KCNH8: variants seen among roughly 807,000 people sequenced by gnomAD.
KCNH8 encodes voltage-gated delayed rectifier potassium channel KCNH8.
In KCNH8, 70 loss-of-function variants were observed where a neutral mutation model predicts 103.6. That is an observed-to-expected ratio of 0.68 (90% CI 0.56 to 0.82). KCNH8 has a LOEUF of 0.82. Ranked by LOEUF, KCNH8 falls within the 40% of genes least tolerant of loss-of-function variation. The pLI is 0.00. For synonymous variants in KCNH8, 498 were observed against 489.4 expected (o/e 1.02, Z -0.23); for missense variants, 1,217 against 1,329.9 (o/e 0.92, Z 1.32).
At chr3:19,230,854 A>G (rs2063986370) in intron 1 of KCNH8, among the ~76,000 whole-genome samples, 1 of 152,202 alleles carries the variant, frequency 6.6e-6, no homozygotes, top group Non-Finnish European at 1.5e-5. Flanking sequence ...TCGGAACGCA[A>G]ATTTGCAATA....
intron 11 of KCNH8, 129 bp from the exon 12 acceptor site, chr3:19,510,234 A>G: frequency 3.0e-6 from 2 of 671,662 alleles, no homozygotes; most frequent in Non-Finnish European, 5.5e-6. Context: ...GTAGATCCAC[A>G]CCCCTTCCTG....
chr3:19,231,578 G>T (rs1252697327), intron 1 of KCNH8, among the ~76,000 whole-genome samples: 1 of 152,068 alleles, frequency 6.6e-6, no homozygotes, highest in Non-Finnish European at 1.5e-5. Context: ...GCTGGCTTAG[G>T]TATATAGTGT....
chr3:19,287,393 G>A (rs2064846463), intron 3 of KCNH8, among the ~76,000 whole-genome samples: 1 of 152,178 alleles, frequency 6.6e-6, no homozygotes, highest in African/African-American at 2.4e-5. Context: ...TCAAGAGAGT[G>A]CTGGGAGAGA....
intron 2 of KCNH8, among the ~76,000 whole-genome samples, chr3:19,279,348 G>T (rs1046671449): frequency 6.6e-6 from 1 of 151,862 alleles, no homozygotes; most frequent in Non-Finnish European, 1.5e-5. Context: ...GCATTTTTGG[G>T]GTCACTGTAT....
chr3:19,230,727 A>T (rs1166747228), intron 1 of KCNH8, among the ~76,000 whole-genome samples: 1 of 145,304 alleles, frequency 6.9e-6, no homozygotes, highest in African/African-American at 2.9e-5. Context: ...GTTTGCACTT[A>T]AAAAACTTAC....
chr3:19,287,282 A>G (rs892555364), intron 3 of KCNH8, among the ~76,000 whole-genome samples: 2 of 152,102 alleles, frequency 1.3e-5, no homozygotes, highest in Non-Finnish European at 2.9e-5. Context: ...TTAGAGAAAA[A>G]CGGAACCAGA....
chr3:19,189,187 T>G (rs1170234101), intron 1 of KCNH8, among the ~76,000 whole-genome samples: 1 of 152,022 alleles, frequency 6.6e-6, no homozygotes, highest in East Asian at 1.9e-4. Flanking sequence ...AAAGGTAGTT[T>G]AAAAGCTGGC....
chr3:19,246,300 T>C (rs939322525), intron 1 of KCNH8, among the ~76,000 whole-genome samples: 3 of 138,160 alleles, frequency 2.2e-5, no homozygotes, highest in African/African-American at 5.8e-5. Flanking sequence ...TTTTTTTTGA[T>C]GGAGTCTCGC....
chr3:19,489,762 C>T (rs754154988), intron 11 of KCNH8, among the ~76,000 whole-genome samples: 1 of 152,168 alleles, frequency 6.6e-6, no homozygotes, highest in Non-Finnish European at 1.5e-5. Context: ...AGGGCACACA[C>T]ACACTTTTAC....
chr3:19,261,600 G>A (rs910086817), intron 2 of KCNH8, among the ~76,000 whole-genome samples: 1 of 151,632 alleles, frequency 6.6e-6, no homozygotes, highest in South Asian at 2.1e-4. Flanking sequence ...TTAGTTTGAC[G>A]TAGTCCTGTT....
At chr3:19,440,693 A>G (rs2067269958) in intron 8 of KCNH8, among the ~76,000 whole-genome samples, 1 of 152,184 alleles carries the variant, frequency 6.6e-6, no homozygotes, top group Non-Finnish European at 1.5e-5. Flanking sequence ...CAGCCAAACC[A>G]TATCAAGTGT....
Position 19,148,611 on chromosome 3 carries a change from TC to T in KCNH8, c.-104del. The T allele has an allele frequency of 9.6e-7, 1 of 1,045,876 alleles. No homozygotes were observed. The highest frequency in any genetic ancestry group is 2.4e-5 in the East Asian group (1 of 42,214). 64.8% of individuals were successfully genotyped at this position (1,045,876 alleles called of 1,614,324 possible). A position where few individuals can be genotyped will look rare whatever the true frequency, so the allele number is the denominator to read the frequency against. ...TGCTCGGCCCCGCCGTCAGGCCGGG[TC>T]CCCCTTCCCTGCCGTCATCAGGTTC... On this transcript the variant is annotated 5_prime_UTR_variant, in exon 1 of 16. Coordinates refer to ENST00000328405, the MANE Select transcript of KCNH8 (RefSeq NM_144633.3).
At chr3:19,270,606 T>C (rs1211796486) in intron 2 of KCNH8, among the ~76,000 whole-genome samples, 3 of 152,112 alleles carry the variant, frequency 2.0e-5, no homozygotes, top group African/African-American at 7.2e-5. Context: ...GTGCCCACTT[T>C]ATTTTAGGAG....
intron 4 of KCNH8, among the ~76,000 whole-genome samples, chr3:19,345,332 T>C (rs952399210): frequency 6.6e-6 from 1 of 152,052 alleles, no homozygotes. Flanking sequence ...GAAGTGACTG[T>C]AGAAACATTT....
intron 3 of KCNH8, among the ~76,000 whole-genome samples, chr3:19,337,604 C>T (rs2065601205): frequency 1.3e-5 from 2 of 151,996 alleles, no homozygotes. Context: ...TCCGAACACT[C>T]TTACTAGATA....
chr3:19,525,903 A>G (rs1479984295), intron 15 of KCNH8, among the ~76,000 whole-genome samples: 2 of 151,912 alleles, frequency 1.3e-5, no homozygotes, highest in Non-Finnish European at 2.9e-5. Flanking sequence ...GAGTATGATT[A>G]TTATTTTAGC....
At chr3:19,479,266 A>G (rs2068039439) in intron 11 of KCNH8, among the ~76,000 whole-genome samples, 1 of 152,152 alleles carries the variant, frequency 6.6e-6, no homozygotes, top group African/African-American at 2.4e-5. Context: ...CTTAACTTGT[A>G]CTTCTGTATC....
intron 1 of KCNH8, among the ~76,000 whole-genome samples, chr3:19,151,836 T>A (rs182507956): frequency 2.2e-3 from 328 of 152,070 alleles, no homozygotes; most frequent in South Asian, 0.014. Flanking sequence ...GCAATATAAT[T>A]TGCAACCATT....
At chr3:19,207,433 ATGAATTATAC>A (rs1278835829) in intron 1 of KCNH8, among the ~76,000 whole-genome samples, 13 of 152,006 alleles carry the variant, frequency 8.6e-5, no homozygotes, top group African/African-American at 2.4e-4. Flanking sequence ...ATGAATCATA[ATGAATTATAC>A]TGAATAAAGG....
Sources: gnomAD v4.1 joint callset for allele counts (sites outside exome capture counted in the v4.1 genomes callset) on GRCh38, gnomAD v4.1.1 for gene constraint, MANE v1.5 for transcripts, NCBI Gene and HGNC (gene_info 2026-07-23, HGNC 2026-07-21) for gene names.